Variants in CAMK4 observed in about 807,000 individuals in gnomAD.
The protein encoded by CAMK4 is calcium/calmodulin dependent protein kinase IV, also known as calcium/calmodulin-dependent protein kinase type IV.
In CAMK4, 22 loss-of-function variants were observed where a neutral mutation model predicts 44.9. That is an observed-to-expected ratio of 0.49 (90% CI 0.35 to 0.70). CAMK4 has a LOEUF of 0.70. Among genes scored for constraint, CAMK4 ranks in the 30% least tolerant of loss-of-function variants. The pLI, the probability that CAMK4 is intolerant of heterozygous loss-of-function variation, is 0.01. For missense variants in CAMK4, 498 were observed against 586.8 expected (o/e 0.85, Z 1.56); for synonymous variants, 218 against 215.4 (o/e 1.01, Z -0.11).
At chr5:111,421,819 AC>A (rs1338924835) in intron 5 of CAMK4, among the ~76,000 whole-genome samples, 1 of 152,104 alleles carries the variant, frequency 6.6e-6, no homozygotes, top group Non-Finnish European at 1.5e-5. Context: ...CATGGGAGGG[AC>A]CCTGTTGGAG....
rs1215959810 is a variant in CAMK4, at chr5:111,489,956, A to C, written c.*5490A>C. ...TATCTGTGGCCCAGAATTTTGTTTG[A>C]TACTCTAAACAGCAATGCAAAGACT... On this transcript the variant is annotated 3_prime_UTR_variant, in exon 11 of 11. Coordinates refer to ENST00000282356, the MANE Select transcript of CAMK4 (RefSeq NM_001744.6). 6.6e-6 allele frequency: 1 copy of C among 152,192 alleles called. No individual in the cohort carries two copies. Among genetic ancestry groups the C allele is most frequent in the African/African-American group, 2.4e-5 (1 of 41,456 alleles). The allele number at this position is 152,192 out of a possible 1,614,324, so 9.4% of individuals were successfully genotyped here.
intron 1 of CAMK4, among the ~76,000 whole-genome samples, chr5:111,320,245 A>T (rs1447615876): frequency 6.6e-6 from 1 of 152,162 alleles, no homozygotes; most frequent in Non-Finnish European, 1.5e-5. Context: ...CATGCTGAGG[A>T]AACTGGATTT....
At chr5:111,443,187 G>A (rs1753886044) in intron 5 of CAMK4, among the ~76,000 whole-genome samples, 1 of 138,958 alleles carries the variant, frequency 7.2e-6, no homozygotes, top group Non-Finnish European at 1.5e-5. Flanking sequence ...AAACAAAAAT[G>A]AAATAGTGAC....
intron 1 of CAMK4, among the ~76,000 whole-genome samples, chr5:111,331,653 G>A (rs1472728922): frequency 6.6e-6 from 1 of 151,546 alleles, no homozygotes; most frequent in Non-Finnish European, 1.5e-5. Flanking sequence ...CCTACAAGAC[G>A]GCTCCCCAGT....
chr5:111,490,417 T>A lies in CAMK4; in HGVS notation c.*5951T>A, dbSNP rs1755776487. 1 of 152,262 alleles carries A rather than the reference T, an allele frequency of 6.6e-6. No homozygotes were observed. 9.4% of individuals were successfully genotyped at this position (152,262 alleles called of 1,614,324 possible). A position where few individuals can be genotyped will look rare whatever the true frequency, so the allele number is the denominator to read the frequency against. On this transcript the variant is annotated 3_prime_UTR_variant, in exon 11 of 11. Transcript: ENST00000282356. ...TGAGGTCAGGAGTTTGAGACCAGCCTGGCCAACGTGGTGAAACCCCTAATA... is the reference window on the plus strand; with the variant it reads ...TGAGGTCAGGAGTTTGAGACCAGCCAGGCCAACGTGGTGAAACCCCTAATA...
chr5:111,244,686 C>A (rs887819557), intron 1 of CAMK4, among the ~76,000 whole-genome samples: 4 of 152,202 alleles, frequency 2.6e-5, no homozygotes, highest in African/African-American at 9.6e-5. Flanking sequence ...CATGGCGAAA[C>A]CCCATCTCTA....
chr5:111,447,118 A>G (rs1203917443), intron 6 of CAMK4, among the ~76,000 whole-genome samples: 1 of 152,204 alleles, frequency 6.6e-6, no homozygotes, highest in East Asian at 1.9e-4. Context: ...GGAGATATTA[A>G]CTTTTATTCC....
chr5:111,443,650 C>CTT (rs2112966560), intron 5 of CAMK4, among the ~76,000 whole-genome samples: 2 of 151,972 alleles, frequency 1.3e-5, no homozygotes, highest in African/African-American at 4.8e-5. Context: ...AGAACGCAAC[C>CTT]ACCTTTTCGT....
chr5:111,360,872 A>AT (rs1580650263), intron 2 of CAMK4, among the ~76,000 whole-genome samples: 1 of 151,932 alleles, frequency 6.6e-6, no homozygotes, highest in Non-Finnish European at 1.5e-5. Flanking sequence ...TGACAAAGAA[A>AT]TTTTTTTTAT....
chr5:111,259,237 A>C (rs1413230510), intron 1 of CAMK4, among the ~76,000 whole-genome samples: 2 of 152,250 alleles, frequency 1.3e-5, no homozygotes, highest in African/African-American at 4.8e-5. Flanking sequence ...TCTCACTCCC[A>C]TACCTTGGCT....
chr5:111,379,573 A>T (rs903681749), intron 4 of CAMK4, among the ~76,000 whole-genome samples: 1 of 152,110 alleles, frequency 6.6e-6, no homozygotes, highest in Non-Finnish European at 1.5e-5. Flanking sequence ...TTTAAATTTT[A>T]TCAAGCTGAA....
intron 1 of CAMK4, among the ~76,000 whole-genome samples, chr5:111,259,517 G>GA (rs1292647888): frequency 1.3e-5 from 2 of 152,178 alleles, no homozygotes; most frequent in East Asian, 3.9e-4. Context: ...CAGCTCATTG[G>GA]AAATGATCAG....
At chr5:111,444,767 A>G (rs189770636) in intron 5 of CAMK4, among the ~76,000 whole-genome samples, 1 of 152,336 alleles carries the variant, frequency 6.6e-6, no homozygotes, top group Non-Finnish European at 1.5e-5. Flanking sequence ...GAGAGAGTAT[A>G]GCACACTGGA....
chr5:111,470,447 G>T (rs551020047), intron 7 of CAMK4, among the ~76,000 whole-genome samples: 2 of 152,216 alleles, frequency 1.3e-5, no homozygotes, highest in Admixed American at 6.5e-5. Context: ...TCACCATACA[G>T]GTTCTTTATC....
At chr5:111,254,483 T>G (rs1360887480) in intron 1 of CAMK4, among the ~76,000 whole-genome samples, 1 of 152,200 alleles carries the variant, frequency 6.6e-6, no homozygotes, top group Non-Finnish European at 1.5e-5. Flanking sequence ...TTTAATGCCT[T>G]CACACTCTGT....
intron 1 of CAMK4, among the ~76,000 whole-genome samples, chr5:111,278,175 C>T (rs541262350): frequency 5.3e-5 from 8 of 152,308 alleles, no homozygotes; most frequent in African/African-American, 1.9e-4. Flanking sequence ...TTGCTGCCCT[C>T]CTACAGGAAT....
At position 111,344,103 on chromosome 5, in the gene CAMK4, G is replaced by C; in HGVS notation, c.240+1G>C. The C allele has an allele frequency of 6.4e-7, 1 of 1,571,728 alleles. No individual in the cohort carries two copies. Among genetic ancestry groups the C allele is most frequent in the Non-Finnish European group, 8.8e-7 (1 of 1,142,662 alleles). The stretch of plus-strand genomic sequence containing the variant: ...TGCTCTCAAAGTGTTAAAGAAAACA[G>C]TAAGTTTATTTCTTATATAATGGCA... On this transcript the variant is annotated splice_donor_variant, in intron 2 of 10. Transcript: ENST00000282356. LOFTEE classifies it high-confidence loss of function.
intron 10 of CAMK4, among the ~76,000 whole-genome samples, chr5:111,483,723 C>T (rs971913936): frequency 2.6e-5 from 4 of 152,126 alleles, no homozygotes; most frequent in Admixed American, 2.0e-4. Flanking sequence ...TTCCGTAAAA[C>T]AAATACACCG....
At chr5:111,433,126 T>C (rs1192967374) in intron 5 of CAMK4, among the ~76,000 whole-genome samples, 1 of 152,196 alleles carries the variant, frequency 6.6e-6, no homozygotes, top group African/African-American at 2.4e-5. Flanking sequence ...ACTGCTGATA[T>C]GTTCACAGAT....
Sources: allele counts gnomAD v4.1 joint callset (sites outside exome capture counted in the v4.1 genomes callset), GRCh38; gene constraint gnomAD v4.1.1; transcripts MANE v1.5; gene names NCBI Gene and HGNC (gene_info 2026-07-23, HGNC 2026-07-21).